The following RAPH1 variants were observed in gnomAD, a reference collection of about 807,000 sequenced individuals.
The protein encoded by RAPH1 is Ras association (RalGDS/AF-6) and pleckstrin homology domains 1.
A neutral mutation model predicts 88.1 loss-of-function variants in RAPH1; 18 were observed. The ratio of observed to expected loss-of-function variants is 0.20; its 90% CI spans 0.14 to 0.30. The LOEUF (loss-of-function observed/expected upper bound fraction) is 0.30. RAPH1 is among the 10% of genes least tolerant of loss of function. RAPH1 has a pLI of 1.00. For missense variants in RAPH1, 1,448 were observed against 1,543.2 expected (o/e 0.94, Z 1.03); for synonymous variants, 587 against 559.0 (o/e 1.05, Z -0.71).
chr2:203,473,615 G>C (rs535211585), intron 4 of RAPH1, among the ~76,000 whole-genome samples: 2 of 152,146 alleles, frequency 1.3e-5, no homozygotes, highest in Admixed American at 1.3e-4. Flanking sequence ...CTCTGCTATG[G>C]AGATCTTACT....
chr2:203,448,745 A>G lies in RAPH1; in HGVS notation c.1505T>C (p.Ile502Thr), dbSNP rs1351455505. 2.5e-6 allele frequency: 4 copies of G among 1,597,642 alleles called. No homozygotes were observed. Among genetic ancestry groups the G allele is most frequent in the Non-Finnish European group, 3.4e-6 (4 of 1,170,076 alleles). The change falls in exon 11 of 14, where the codon ATT (isoleucine) becomes ACT (threonine). Residue 502 changes from isoleucine to threonine, a missense_variant. This residue lies in a region of RAPH1 where 513 missense variants were observed against 653.1 expected (regional missense o/e 0.79). Coordinates refer to ENST00000319170, the MANE Select transcript of RAPH1 (RefSeq NM_213589.3). This position sits in a 1 kb window ranked among gnomAD's most constrained non-coding sequence, Gnocchi z 4.1. ...TLHQWVNGIRIAKYGKQLYMN... is the reference protein window; with the variant it reads ...TLHQWVNGIRTAKYGKQLYMN... ...AATCAAAAGGAGACATGCCTTTGCAATGCGGATCCCATTGACCCACTGATG... is the reference window on the plus strand; with the variant it reads ...AATCAAAAGGAGACATGCCTTTGCAGTGCGGATCCCATTGACCCACTGATG...
At chr2:203,477,992 T>C (rs542325817) in intron 4 of RAPH1, among the ~76,000 whole-genome samples, 5 of 152,140 alleles carry the variant, frequency 3.3e-5, no homozygotes, top group African/African-American at 1.2e-4. Context: ...CTTTGAGTTA[T>C]AATGTATTCT....
rs182786033 is a variant in RAPH1, at chr2:203,481,740, T to C, written c.732+7844A>G. ...CCGAGTAGCTGGAATTGCAGGTGTC[T>C]GCCACCACGCCAGGATAATTTTTTT... On this transcript the variant is annotated intron_variant, in intron 4 of 13. Coordinates refer to ENST00000319170, the MANE Select transcript of RAPH1 (RefSeq NM_213589.3). 5.6e-3 allele frequency among the ~76,000 whole-genome samples: 844 copies of C among 150,172 alleles called. 11 individuals are homozygous for C. The highest frequency in any genetic ancestry group is 0.019 in the African/African-American group (791 of 40,912).
At position 203,440,472 on chromosome 2, in the gene RAPH1, G is replaced by A. The variant is rs1321013808; in HGVS notation, c.2718C>T (p.Pro906=). The part of the protein sequence containing the change: ...PAVKAKPKWQ[P]SSIPVPSPDF... Reference sequence around the variant, plus strand: ...CCGGAGAAGGGACTGGGATGGAGCTGGGCTGCCACTTGGGCTTTGCTTTTA... The same window carrying A: ...CCGGAGAAGGGACTGGGATGGAGCTAGGCTGCCACTTGGGCTTTGCTTTTA... Residue 906 remains proline, a synonymous_variant, in exon 14 of 14, where the codon CCC becomes CCT. Coordinates refer to ENST00000319170, the MANE Select transcript of RAPH1 (RefSeq NM_213589.3). 1 of 1,536,680 alleles carries A rather than the reference G, an allele frequency of 6.5e-7. No individual in the cohort carries two copies. Among genetic ancestry groups the A allele is most frequent in the Admixed American group, 2.1e-5 (1 of 47,812 alleles).
At chr2:203,514,512 AT>A (rs1689507901) in intron 1 of RAPH1, among the ~76,000 whole-genome samples, 1 of 152,148 alleles carries the variant, frequency 6.6e-6, no homozygotes, top group East Asian at 1.9e-4. Flanking sequence ...AATGAGCAGT[AT>A]CCCCCCAGGG....
intron 7 of RAPH1, among the ~76,000 whole-genome samples, chr2:203,458,433 T>A (rs2098521599): frequency 6.6e-6 from 1 of 152,180 alleles, no homozygotes; most frequent in Admixed American, 6.5e-5. Context: ...TCATCCCTTG[T>A]TGTCCATAGG....
intron 1 of RAPH1, among the ~76,000 whole-genome samples, chr2:203,525,996 CGAAAAAA>C (rs1690098137): frequency 6.7e-6 from 1 of 149,482 alleles, no homozygotes; most frequent in Admixed American, 6.6e-5. Context: ...GGAGGTGTTC[CGAAAAAA>C]AATACTATGG....
chr2:203,439,886 C>T lies in RAPH1; in HGVS notation c.3304G>A (p.Ala1102Thr). ...TGTTGTGGTTGAGGATTAACGACTG[C>T]CACTTTTGGAGAGGTGTTTCCCGAG... ...VFSGNTSPKV[A>T]VVNPQPQQWS... Residue 1102 changes from alanine (A) to threonine (T), a missense_variant, in exon 14 of 14, where the codon GCA (alanine) becomes ACA (threonine). This residue lies in a region of RAPH1 where 935 missense variants were observed against 890.1 expected (regional missense o/e 1.05). Transcript: ENST00000319170. The T allele has an allele frequency of 6.2e-7, 1 of 1,613,824 alleles. No individual in the cohort carries two copies.
intron 1 of RAPH1, among the ~76,000 whole-genome samples, chr2:203,498,311 T>C (rs1488817052): frequency 6.6e-6 from 1 of 152,148 alleles, no homozygotes; most frequent in Non-Finnish European, 1.5e-5. Context: ...ATATTCTCCA[T>C]AGTAAAAATG....
intron 4 of RAPH1, among the ~76,000 whole-genome samples, chr2:203,470,747 A>G (rs1201511599): frequency 6.6e-6 from 1 of 152,266 alleles, no homozygotes; most frequent in East Asian, 1.9e-4. Flanking sequence ...GGTTAGAATA[A>G]GACGACATCA....
chr2:203,529,005 A>ATTTTTTT lies in RAPH1; in HGVS notation c.-1+6099_-1+6105dup, dbSNP rs66832810. Reference sequence around the variant, plus strand: ...TATATATATATATATATATATATATATTTTTTTTTTTTTTTTTTTTTTTTT... The same window carrying ATTTTTTT: ...TATATATATATATATATATATATATATTTTTTTTTTTTTTTTTTTTTTTTTTTTTTTT... On this transcript the variant is annotated intron_variant, in intron 1 of 13. Coordinates refer to ENST00000319170, the MANE Select transcript of RAPH1 (RefSeq NM_213589.3). 4.6e-4 allele frequency among the ~76,000 whole-genome samples: 19 copies of ATTTTTTT among 41,160 alleles called. 1 individual carries two copies. The highest frequency in any genetic ancestry group is 1.9e-3 in the African/African-American group (16 of 8,404). The allele number at this position is 41,160 out of a possible 152,430, so 27.0% of individuals were successfully genotyped here. A position where few individuals can be genotyped will look rare whatever the true frequency, so the allele number is the denominator to read the frequency against.
intron 4 of RAPH1, among the ~76,000 whole-genome samples, chr2:203,474,921 G>T (rs1338039953): frequency 4.6e-5 from 7 of 152,044 alleles, no homozygotes; most frequent in African/African-American, 7.2e-5. Context: ...GACCAGCCTG[G>T]CCAACATGGC....
chr2:203,456,083 G>A (rs944927179), intron 8 of RAPH1, among the ~76,000 whole-genome samples: 1 of 152,112 alleles, frequency 6.6e-6, no homozygotes, highest in African/African-American at 2.4e-5. Flanking sequence ...ATATGAATTT[G>A]GAACTACTAT....
chr2:203,468,195 A>G (rs905935129), intron 4 of RAPH1, among the ~76,000 whole-genome samples: 3 of 152,196 alleles, frequency 2.0e-5, no homozygotes, highest in Non-Finnish European at 2.9e-5. Context: ...TGTTGAATGG[A>G]TAAATGAAGT....
chr2:203,487,433 T>G (rs377057492), intron 4 of RAPH1, among the ~76,000 whole-genome samples: 2 of 151,186 alleles, frequency 1.3e-5, no homozygotes, highest in East Asian at 3.9e-4. Flanking sequence ...CAGGCTGGAG[T>G]GCAGTGGCAC....
At chr2:203,479,889 C>T (rs950706736) in intron 4 of RAPH1, among the ~76,000 whole-genome samples, 2 of 152,106 alleles carry the variant, frequency 1.3e-5, no homozygotes, top group Admixed American at 6.6e-5. Flanking sequence ...ATATTATCTG[C>T]TCCAAGTCTA....
At position 203,440,174 on chromosome 2, in the gene RAPH1, G is replaced by T. The variant is rs149709668; in HGVS notation, c.3016C>A (p.Pro1006Thr). The T allele has an allele frequency of 2.2e-5, 36 of 1,613,700 alleles. No homozygotes were observed. The African/African-American group carries it at 3.6e-4, about 16-fold the overall frequency. The change falls in exon 14 of 14, where the codon CCG becomes ACG. Residue 1006 changes from proline to threonine, a missense_variant. Transcript: ENST00000319170. The stretch of plus-strand genomic sequence containing the variant: ...CTGGGAGACCCTGATTCTGCTGGCG[G>T]TGTAAACTTGCTGACTAGACTGTCC... ...SVDSLVSKFT[P>T]PAESGSPSKE... is the part of the protein sequence containing the mutation.
Position 203,440,679 on chromosome 2 carries a change from C to T in RAPH1, c.2511G>A (p.Pro837=), listed in dbSNP as rs144494517. ...SPPTPPVPVP[P]PTLPKQQSFC... is the part of the protein sequence containing the mutation. ...AGCTCTGTTGCTTGGGTAATGTTGG[C>T]GGGGGTACTGGAACAGGAGGGGTAG... The change falls in exon 14 of 14, where the codon CCG becomes CCA. Residue 837 remains proline (P), a synonymous_variant. Transcript: ENST00000319170. 205 of 1,276,588 alleles carry T rather than the reference C, an allele frequency of 1.6e-4. No homozygotes were observed. The African/African-American group carries it at 2.0e-3, about 12-fold the overall frequency. 79.1% of individuals were successfully genotyped at this position (1,276,588 alleles called of 1,614,324 possible).
chr2:203,511,762 A>G, intron 1 of RAPH1, among the ~76,000 whole-genome samples: 1 of 152,130 alleles, frequency 6.6e-6, no homozygotes, highest in Non-Finnish European at 1.5e-5. Flanking sequence ...CCCTTTAAAA[A>G]GCTACTCCCA....
Sources: gnomAD v4.1 joint callset for allele counts (sites outside exome capture counted in the v4.1 genomes callset) on GRCh38, gnomAD v4.1.1 for gene constraint, gnomAD v4.1.1 regional missense constraint, Gnocchi (gnomAD v3.1) non-coding constraint, MANE v1.5 for transcripts, NCBI Gene and HGNC (gene_info 2026-07-23, HGNC 2026-07-21) for gene names.